Variants in COL25A1 observed in about 807,000 individuals in gnomAD.
COL25A1 encodes the protein collagen type XXV alpha 1 chain.
In COL25A1, 103 loss-of-function variants were observed where a neutral mutation model predicts 128.4. The observed-to-expected ratio is 0.80, with a 90% CI of 0.68 to 0.94. COL25A1 has a LOEUF of 0.94. Ranked by LOEUF, COL25A1 falls within the 40% of genes least tolerant of loss-of-function variation. The pLI is 0.00. For synonymous variants in COL25A1, 279 were observed against 277.2 expected (o/e 1.01, Z -0.06); for missense variants, 745 against 840.0 (o/e 0.89, Z 1.40).
At chr4:109,190,554 A>G (rs1350582667) in intron 3 of COL25A1, among the ~76,000 whole-genome samples, 1 of 152,112 alleles carries the variant, frequency 6.6e-6, no homozygotes, top group Admixed American at 6.5e-5. Flanking sequence ...AGCAGGTGAG[A>G]GATTGAGGTT....
intron 3 of COL25A1, among the ~76,000 whole-genome samples, chr4:109,079,186 G>A (rs1262224019): frequency 3.3e-5 from 5 of 152,262 alleles, no homozygotes. Flanking sequence ...CTGAACTAAA[G>A]TAAAGCTTCA....
chr4:108,971,175 G>T (rs988646747), intron 8 of COL25A1, among the ~76,000 whole-genome samples: 2 of 151,952 alleles, frequency 1.3e-5, no homozygotes, highest in African/African-American at 4.8e-5. Flanking sequence ...TCTATTTGAG[G>T]GATATAACAT....
At chr4:109,178,432 C>A (rs1338744949) in intron 3 of COL25A1, among the ~76,000 whole-genome samples, 1 of 152,002 alleles carries the variant, frequency 6.6e-6, no homozygotes, top group African/African-American at 2.4e-5. Context: ...AAATGTGGAG[C>A]CAAATAATTT....
Position 109,197,472 on chromosome 4 carries a change from ATAT to A in COL25A1, c.367+103108_367+103110del, listed in dbSNP as rs1229151743. On this transcript the variant is annotated intron_variant, in intron 3 of 37. Transcript: ENST00000399132. ...ATATTATATATAAATATTATATATA[ATAT>A]ATATTATATATTATATATAAATATA... Among the ~76,000 whole-genome samples, 133 of 116,998 alleles carry A rather than the reference ATAT, an allele frequency of 1.1e-3. 1 individual carries two copies. Among genetic ancestry groups the A allele is most frequent in the African/African-American group, 4.0e-3 (128 of 32,176 alleles). 76.8% of individuals were successfully genotyped at this position (116,998 alleles called of 152,430 possible).
chr4:109,094,474 T>A (rs551601493), intron 3 of COL25A1, among the ~76,000 whole-genome samples: 27 of 152,310 alleles, frequency 1.8e-4, no homozygotes, highest in African/African-American at 6.5e-4. Context: ...CTTTCCTTTC[T>A]TTAAAAAAAA....
intron 3 of COL25A1, among the ~76,000 whole-genome samples, chr4:109,154,831 T>C (rs1578307509): frequency 6.6e-6 from 1 of 152,346 alleles, no homozygotes; most frequent in South Asian, 2.1e-4. Flanking sequence ...TCCCAACTCC[T>C]GAGATTTCAA....
At chr4:108,885,225 TG>T (rs1740639406) in intron 18 of COL25A1, among the ~76,000 whole-genome samples, 1 of 152,186 alleles carries the variant, frequency 6.6e-6, no homozygotes, top group Non-Finnish European at 1.5e-5. Flanking sequence ...TTAACAATCC[TG>T]GTTTCAAGGA....
chr4:108,879,743 G>A (rs1437545727), intron 19 of COL25A1, among the ~76,000 whole-genome samples: 4 of 151,684 alleles, frequency 2.6e-5, no homozygotes, highest in African/African-American at 4.8e-5. Flanking sequence ...CACCGTGCCC[G>A]GCCTGGTGGT....
chr4:109,078,412 C>G (rs1334068742), intron 3 of COL25A1, among the ~76,000 whole-genome samples: 2 of 152,164 alleles, frequency 1.3e-5, no homozygotes, highest in African/African-American at 4.8e-5. Flanking sequence ...ACTCTCAAGT[C>G]TGCATTTTTC....
At chr4:108,981,005 T>C (rs1470664339) in intron 6 of COL25A1, among the ~76,000 whole-genome samples, 2 of 152,228 alleles carry the variant, frequency 1.3e-5, no homozygotes, top group African/African-American at 4.8e-5. Flanking sequence ...CTAAATTGCA[T>C]GATGAACTTG....
At chr4:108,978,780 C>A (rs1752676367) in intron 6 of COL25A1, among the ~76,000 whole-genome samples, 1 of 152,032 alleles carries the variant, frequency 6.6e-6, no homozygotes, top group Non-Finnish European at 1.5e-5. Flanking sequence ...AGGTTAGGGT[C>A]AATGGAAAGG....
chr4:108,889,788 A>G, intron 16 of COL25A1, 55 bp from the exon 17 acceptor site: 1 of 1,513,580 alleles, frequency 6.6e-7, no homozygotes, highest in African/African-American at 1.4e-5. Context: ...AGGAAACATC[A>G]CAAGCACTCA....
intron 14 of COL25A1, among the ~76,000 whole-genome samples, chr4:108,900,126 T>C (rs1474610933): frequency 6.6e-6 from 1 of 152,110 alleles, no homozygotes; most frequent in Admixed American, 6.6e-5. Context: ...ACCTGACCCT[T>C]TGGCTTTCTG....
chr4:108,846,567 AG>A (rs1410691034), intron 27 of COL25A1, among the ~76,000 whole-genome samples: 1 of 152,202 alleles, frequency 6.6e-6, no homozygotes, highest in Non-Finnish European at 1.5e-5. Context: ...TCAACAATAC[AG>A]GATGTATTTT....
chr4:109,044,670 G>A (rs1404445825), intron 5 of COL25A1, among the ~76,000 whole-genome samples: 1 of 152,114 alleles, frequency 6.6e-6, no homozygotes, highest in African/African-American at 2.4e-5. Context: ...TAGGTTCTGT[G>A]CCAAGGATTG....
chr4:108,822,528 C>T (rs1387962835), intron 35 of COL25A1, among the ~76,000 whole-genome samples: 3 of 151,952 alleles, frequency 2.0e-5, no homozygotes, highest in Admixed American at 1.3e-4. Flanking sequence ...GTGATCTTCC[C>T]ACCTCAGCCT....
chr4:109,288,214 C>T (rs1281109549), intron 3 of COL25A1, among the ~76,000 whole-genome samples: 1 of 152,112 alleles, frequency 6.6e-6, no homozygotes, highest in Non-Finnish European at 1.5e-5. Context: ...TAAGGCTTTC[C>T]TCCTCTACAT....
intron 3 of COL25A1, among the ~76,000 whole-genome samples, chr4:109,235,024 C>A (rs1409043856): frequency 6.6e-6 from 1 of 151,994 alleles, no homozygotes; most frequent in Non-Finnish European, 1.5e-5. Flanking sequence ...AAAAAACAAA[C>A]CACAGAAGCT....
chr4:108,848,842 T>C (rs1329424183), intron 26 of COL25A1, 39 bp from the exon 27 acceptor site: 11 of 1,519,128 alleles, frequency 7.2e-6, no homozygotes, highest in Non-Finnish European at 9.1e-6. Flanking sequence ...TCCATTCTCA[T>C]TGGTAACATA....
Sources: gnomAD v4.1 joint callset for allele counts (sites outside exome capture counted in the v4.1 genomes callset) on GRCh38, gnomAD v4.1.1 for gene constraint, MANE v1.5 for transcripts, NCBI Gene and HGNC (gene_info 2026-07-23, HGNC 2026-07-21) for gene names.